MYO9A: variants seen among roughly 807,000 people sequenced by gnomAD.
The protein encoded by MYO9A is unconventional myosin-IXa.
Under a neutral mutation model 293.3 loss-of-function variants are expected in MYO9A, and 103 were observed. The ratio of observed to expected loss-of-function variants is 0.35; its 90% CI spans 0.30 to 0.41. The LOEUF (loss-of-function observed/expected upper bound fraction) is 0.41, where lower values mean the gene tolerates loss of function less well. Ranked by LOEUF, MYO9A falls within the 10% of genes least tolerant of loss-of-function variation. MYO9A has a pLI of 1.00. For synonymous variants in MYO9A, 1,001 were observed against 1,035.7 expected, an observed-to-expected ratio of 0.97 and a Z score of 0.64; for missense variants, 2,685 against 3,033.0, an observed-to-expected ratio of 0.89 and a Z score of 2.69.
At chr15:72,081,157 G>A (rs2079532282) in intron 1 of MYO9A, among the ~76,000 whole-genome samples, 1 of 152,092 alleles carries the variant, frequency 6.6e-6, no homozygotes, top group East Asian at 1.9e-4. Flanking sequence ...TCTCTACAAT[G>A]GTTGAACTAA....
chr15:71,978,193 G>A lies in MYO9A; in HGVS notation c.1822C>T (p.His608Tyr), dbSNP rs2076190049. 1.2e-6 allele frequency: 2 copies of A among 1,612,086 alleles called. No individual in the cohort carries two copies. The highest frequency in any genetic ancestry group is 1.1e-5 in the South Asian group (1 of 90,346). The change falls in exon 12 of 42, where the codon CAT (histidine) becomes TAT (tyrosine). Residue 608 changes from histidine (H) to tyrosine (Y), a missense_variant. His to Tyr is a moderately conservative substitution (Grantham distance 83). Coordinates refer to ENST00000356056, the MANE Select transcript of MYO9A (RefSeq NM_006901.4). Reference sequence around the variant, plus strand: ...CACTTGCTTTCTTCATCCAAAAGATGAAGCAGTCCTGTTGGTTTTTTGCTA... The same window carrying A: ...CACTTGCTTTCTTCATCCAAAAGATAAAGCAGTCCTGTTGGTTTTTTGCTA... Reference protein sequence around the residue: ...LISKKPTGLLHLLDEESNFPQ... With the variant: ...LISKKPTGLLYLLDEESNFPQ...
intron 28 of MYO9A, among the ~76,000 whole-genome samples, chr15:71,883,351 A>G (rs2056928416): frequency 6.6e-6 from 1 of 152,170 alleles, no homozygotes; most frequent in Non-Finnish European, 1.5e-5. Flanking sequence ...CTAACCTATG[A>G]TACACAGTCA....
At chr15:71,956,328 A>ATATATAT (rs1555490908) in intron 14 of MYO9A, among the ~76,000 whole-genome samples, 537 of 14,974 alleles carry the variant, frequency 0.036, 1 homozygote, top group East Asian at 0.077. Context: ...AAAAAAAAAA[A>ATATATAT]AAATATATAT....
At chr15:71,859,861 A>C (rs1482672595) in intron 33 of MYO9A, 65 bp from the exon 34 acceptor site, 3 of 1,378,304 alleles carry the variant, frequency 2.2e-6, no homozygotes, top group Non-Finnish European at 3.1e-6. Flanking sequence ...TAACTTATCA[A>C]GTATACTTTA....
At chr15:72,083,180 A>G (rs751771781) in intron 1 of MYO9A, among the ~76,000 whole-genome samples, 2 of 152,070 alleles carry the variant, frequency 1.3e-5, no homozygotes, top group African/African-American at 2.4e-5. Context: ...GCTATTTATT[A>G]CTGATTCAAC....
chr15:71,826,707 T>C lies in MYO9A; in HGVS notation c.7520A>G (p.Asn2507Ser). 7.4e-6 allele frequency: 12 copies of C among 1,613,844 alleles called. No individual in the cohort carries two copies. Among genetic ancestry groups the C allele is most frequent in the Non-Finnish European group, 1.0e-5 (12 of 1,179,926 alleles). Residue 2507 changes from asparagine (N) to serine (S), a missense_variant, in exon 42 of 42, where the codon AAC (asparagine) becomes AGC (serine). Asn to Ser is a conservative substitution (Grantham distance 46, BLOSUM62 1). This residue lies in a region of MYO9A where 350 missense variants were observed against 328.9 expected (regional missense o/e 1.06). Coordinates refer to ENST00000356056, the MANE Select transcript of MYO9A (RefSeq NM_006901.4). Reference protein sequence around the residue: ...KGKQKLKNVKNSPQKTKETPE... With the variant: ...KGKQKLKNVKSSPQKTKETPE... Reference sequence around the variant, plus strand: ...GGTCTCTTTGGTTTTCTGAGGTGAGTTTTTCACATTCTTTAATTTTTGTTT... The same window carrying C: ...GGTCTCTTTGGTTTTCTGAGGTGAGCTTTTCACATTCTTTAATTTTTGTTT...
intron 4 of MYO9A, among the ~76,000 whole-genome samples, chr15:72,027,221 G>T (rs1016070731): frequency 3.9e-5 from 6 of 152,182 alleles, no homozygotes; most frequent in African/African-American, 1.4e-4. Flanking sequence ...AGTTAAATGA[G>T]ATGCCCAAGG....
intron 1 of MYO9A, among the ~76,000 whole-genome samples, chr15:72,101,434 C>G (rs2080314352): frequency 7.4e-6 from 1 of 135,054 alleles, no homozygotes; most frequent in Non-Finnish European, 1.6e-5. Flanking sequence ...AGCCCCTCTG[C>G]CAGGCCAGCC....
chr15:72,116,624 G>A (rs1484887620), intron 1 of MYO9A, among the ~76,000 whole-genome samples: 1 of 152,110 alleles, frequency 6.6e-6, no homozygotes, highest in East Asian at 1.9e-4. Flanking sequence ...CCAAAAAACA[G>A]TGAATCCAAA....
intron 22 of MYO9A, 151 bp from the exon 23 acceptor site, chr15:71,901,491 A>G (rs1308057303): frequency 3.2e-5 from 27 of 830,850 alleles, no homozygotes; most frequent in Middle Eastern, 6.8e-4. Context: ...CTACAGATTT[A>G]TCCAAAGTAG....
intron 4 of MYO9A, among the ~76,000 whole-genome samples, chr15:72,027,523 A>C (rs886531184): frequency 7.2e-5 from 11 of 152,216 alleles, no homozygotes; most frequent in Admixed American, 7.2e-4. Flanking sequence ...TTGTTCTGAC[A>C]GTTTGCAATA....
intron 33 of MYO9A, among the ~76,000 whole-genome samples, chr15:71,860,996 C>CAAAAAAAAAAAAAAAAAAAAAA (rs2056099523): frequency 2.0e-5 from 2 of 99,292 alleles, no homozygotes; most frequent in African/African-American, 4.2e-5. Flanking sequence ...AAAAAAAAAT[C>CAAAAAAAAAAAAAAAAAAAAAA]AAACCAGCCC....
intron 32 of MYO9A, among the ~76,000 whole-genome samples, chr15:71,871,708 A>G (rs1772783385): frequency 6.6e-6 from 1 of 151,418 alleles, no homozygotes; most frequent in African/African-American, 2.4e-5. Context: ...AAAAGAAAGA[A>G]AGAAGAAAGT....
chr15:71,840,850 C>T (rs1461874202), intron 39 of MYO9A, among the ~76,000 whole-genome samples: 2 of 152,318 alleles, frequency 1.3e-5, no homozygotes, highest in East Asian at 1.9e-4. Context: ...CCAGGATGGT[C>T]TCGACGTCCT....
intron 1 of MYO9A, among the ~76,000 whole-genome samples, chr15:72,059,100 T>C: frequency 6.6e-6 from 1 of 152,216 alleles, no homozygotes; most frequent in Non-Finnish European, 1.5e-5. Flanking sequence ...CCTCTCTGTA[T>C]ATTTAGAAAT....
intron 1 of MYO9A, among the ~76,000 whole-genome samples, chr15:72,073,622 T>C (rs1198708507): frequency 1.3e-5 from 2 of 152,190 alleles, no homozygotes; most frequent in African/African-American, 4.8e-5. Flanking sequence ...AATGATTTTA[T>C]AGCAAAAGTC....
chr15:72,080,532 A>G (rs896973269), intron 1 of MYO9A, among the ~76,000 whole-genome samples: 1 of 152,090 alleles, frequency 6.6e-6, no homozygotes, highest in African/African-American at 2.4e-5. Flanking sequence ...CAGTCACCCC[A>G]AAAATGCAAA....
intron 18 of MYO9A, among the ~76,000 whole-genome samples, chr15:71,921,101 TA>T (rs951446157): frequency 6.6e-6 from 1 of 151,640 alleles, no homozygotes; most frequent in African/African-American, 2.4e-5. Flanking sequence ...ACAATGTAAC[TA>T]AAAAAAATAG....
In MYO9A at chr15:71,848,961, C is replaced by T; in HGVS notation, c.6721G>A (p.Glu2241Lys). 6.3e-7 allele frequency: 1 copy of T among 1,595,478 alleles called. No homozygotes were observed. Among genetic ancestry groups the T allele is most frequent in the Non-Finnish European group, 8.5e-7 (1 of 1,175,014 alleles). ...TTCATTTGTTCCACAACAATCAGTT[C>T]CACACAACTGAAACAGAAGGAAAGA... ...QDISKTTTCVELIVVEQMNKY... is the reference protein window; with the variant it reads ...QDISKTTTCVKLIVVEQMNKY... Residue 2241 changes from glutamate to lysine, a missense_variant, in exon 39 of 42, where the codon GAA (glutamate) becomes AAA (lysine). Physicochemically the swap from Glu to Lys is moderately conservative, Grantham distance 56. Around this residue, in one of 10 missense-constraint regions of MYO9A, gnomAD observed 238 missense variants for 269.1 expected, o/e 0.88. Coordinates refer to ENST00000356056, the MANE Select transcript of MYO9A (RefSeq NM_006901.4).
Sources: gnomAD v4.1 joint callset for allele counts (sites outside exome capture counted in the v4.1 genomes callset) on GRCh38, gnomAD v4.1.1 for gene constraint, gnomAD v4.1.1 regional missense constraint, MANE v1.5 for transcripts, NCBI Gene and HGNC (gene_info 2026-07-23, HGNC 2026-07-21) for gene names.